The following FRMPD4 variants were observed in gnomAD, a reference collection of about 807,000 sequenced individuals.
The protein encoded by FRMPD4 is FERM and PDZ domain containing 4.
Under a neutral mutation model 94.1 loss-of-function variants are expected in FRMPD4, and 22 were observed. The ratio of observed to expected loss-of-function variants is 0.23; its 90% CI spans 0.17 to 0.33. The LOEUF (loss-of-function observed/expected upper bound fraction) is 0.33, where lower values mean the gene tolerates loss of function less well. Ranked by LOEUF, FRMPD4 falls within the 10% of genes least tolerant of loss-of-function variation. The pLI is 1.00. For missense variants in FRMPD4, 1,111 were observed against 1,339.9 expected, an observed-to-expected ratio of 0.83 and a Z score of 2.67; for synonymous variants, 631 against 548.6, an observed-to-expected ratio of 1.15 and a Z score of -2.10.
At chrX:12,413,056 T>C (rs893791623) in intron 1 of FRMPD4, among the ~76,000 whole-genome samples, 9 of 111,284 alleles carry the variant, frequency 8.1e-5, no homozygotes, top group African/African-American at 2.9e-4. Flanking sequence ...CCTGGCCACA[T>C]TTCTAGGGCT....
At chrX:11,987,122 A>C (rs1222947613) in intron 3 of FRMPD4, among the ~76,000 whole-genome samples, 4 of 95,109 alleles carry the variant, frequency 4.2e-5, no homozygotes, top group Non-Finnish European at 6.5e-5. Context: ...AAAAAAAAAA[A>C]AAAAAAACAA....
chrX:12,157,225 T>C (rs915039038), intron 1 of FRMPD4, among the ~76,000 whole-genome samples: 4 of 112,297 alleles, frequency 3.6e-5, no homozygotes, highest in African/African-American at 1.3e-4. Flanking sequence ...TTATAGCCTA[T>C]TGAAGTGGTT....
intron 3 of FRMPD4, among the ~76,000 whole-genome samples, chrX:11,973,777 T>TA (rs1445903704): frequency 4.5e-5 from 5 of 111,932 alleles, no homozygotes; most frequent in African/African-American, 1.3e-4. Flanking sequence ...AGGAGTGCTA[T>TA]ATAACGCTAA....
At chrX:11,845,803 C>G (rs12011807) in intron 1 of FRMPD4, among the ~76,000 whole-genome samples, 22,053 of 105,083 alleles carry the variant, frequency 0.21, 2,182 homozygotes, top group Middle Eastern at 0.27. Flanking sequence ...AATAGATGCA[C>G]AAAAGGCCTT....
Position 12,210,315 on chromosome X carries a change from A to G in FRMPD4, c.41+71303A>G, listed in dbSNP as rs1395690428. On this transcript the variant is annotated intron_variant, in intron 1 of 16. Coordinates refer to ENST00000675598, the MANE Select transcript of FRMPD4 (RefSeq NM_001368397.1). Reference sequence around the variant, plus strand: ...CAGTACAAAGGGGAAAATCAGTTGAATTAGAGTGGGAAAGAACACAGGTCT... The same window carrying G: ...CAGTACAAAGGGGAAAATCAGTTGAGTTAGAGTGGGAAAGAACACAGGTCT... Among the ~76,000 whole-genome samples, 4 of 111,730 alleles carry G rather than the reference A, an allele frequency of 3.6e-5. No individual in the cohort carries two copies. The Admixed American group carries it at 3.8e-4, about 11-fold the overall frequency.
chrX:12,693,097 G>A (rs4830793), intron 8 of FRMPD4, among the ~76,000 whole-genome samples: 22,513 of 111,376 alleles, frequency 0.2, 1,932 homozygotes, highest in East Asian at 0.69. Flanking sequence ...CAAAGTTAGC[G>A]AACTGTAAAT....
intron 1 of FRMPD4, among the ~76,000 whole-genome samples, chrX:12,474,686 T>C (rs2057569508): frequency 1.8e-5 from 2 of 111,758 alleles, no homozygotes; most frequent in South Asian, 7.5e-4. Context: ...TAAACACCTC[T>C]ATGCAAATAA....
intron 2 of FRMPD4, among the ~76,000 whole-genome samples, chrX:12,600,386 T>C (rs779243020): frequency 8.9e-6 from 1 of 112,479 alleles, no homozygotes; most frequent in South Asian, 3.7e-4. Flanking sequence ...ATTTGGAAGA[T>C]TGTTAAACAG....
rs35377550 is a variant in FRMPD4 at position 11,987,098 on chromosome X, T to TAAAAAAAAAA, written c.95+109102_95+109111dup. On this transcript the variant is annotated intron_variant, in intron 3 of 18. Coordinates refer to the FRMPD4 transcript ENST00000640291. ...ATACCAAGACCAGGCAAAGACACAT[T>TAAAAAAAAAA]AAAAAAAAAAAAAAAAAAAAAAAAA... Among the ~76,000 whole-genome samples, 70 of 21,847 alleles carry TAAAAAAAAAA rather than the reference T, an allele frequency of 3.2e-3. 4 individuals carry two copies. Among genetic ancestry groups the TAAAAAAAAAA allele is most frequent in the South Asian group, 0.012 (2 of 172 alleles). 19.0% of individuals were successfully genotyped at this position (21,847 alleles called of 115,157 possible).
rs150915928 is a variant in FRMPD4 at position 12,495,061 on chromosome X, G to A, written c.42-3619G>A. The A allele has an allele frequency of 3.1e-3, 2,105 of 684,358 alleles. 41 individuals carry two copies. The African/African-American group carries it at 0.046, about 15-fold the overall frequency. 56.4% of individuals were successfully genotyped at this position (684,358 alleles called of 1,213,427 possible). On this transcript the variant is annotated intron_variant, in intron 1 of 16. Transcript: ENST00000675598. ...CTGTGCACCCAGGATCACACAGCTG[G>A]GATTTCTGGTAAAAAACTTTCTGAT...
chrX:11,884,398 TG>T (rs1256504263), intron 3 of FRMPD4, among the ~76,000 whole-genome samples: 1 of 112,114 alleles, frequency 8.9e-6, no homozygotes, highest in Non-Finnish European at 1.9e-5. Flanking sequence ...ATCAGTGTTA[TG>T]TTGCTTGTTC....
intron 1 of FRMPD4, among the ~76,000 whole-genome samples, chrX:12,262,662 A>G (rs2054209719): frequency 9.0e-6 from 1 of 111,683 alleles, no homozygotes. Context: ...CACTCTCAAT[A>G]TTATTGTTGA....
intron 3 of FRMPD4, among the ~76,000 whole-genome samples, chrX:12,127,597 CT>C (rs1053290856): frequency 2.7e-5 from 3 of 111,364 alleles, no homozygotes; most frequent in Non-Finnish European, 3.8e-5. Flanking sequence ...CATTCTGCCC[CT>C]GGCCCCTCCC....
At chrX:12,217,700 C>T (rs1170136372) in intron 1 of FRMPD4, among the ~76,000 whole-genome samples, 1 of 112,088 alleles carries the variant, frequency 8.9e-6, no homozygotes, top group African/African-American at 3.2e-5. Flanking sequence ...AGCCCTTCAT[C>T]TGTTTTTGTA....
intron 1 of FRMPD4, among the ~76,000 whole-genome samples, chrX:12,350,256 C>A (rs1569241726): frequency 8.9e-6 from 1 of 111,741 alleles, no homozygotes; most frequent in Non-Finnish European, 1.9e-5. Context: ...TCCCTTTATC[C>A]TGTAGGATTT....
chrX:12,570,510 T>G (rs922145574), intron 2 of FRMPD4, among the ~76,000 whole-genome samples: 1 of 110,121 alleles, frequency 9.1e-6, no homozygotes, highest in Non-Finnish European at 1.9e-5. Flanking sequence ...TTCACCATGT[T>G]GCCCAGGCTG....
At chrX:12,081,377 G>A (rs2055060516) in intron 3 of FRMPD4, among the ~76,000 whole-genome samples, 3 of 111,394 alleles carry the variant, frequency 2.7e-5, no homozygotes, top group Admixed American at 1.9e-4. Context: ...TATGAGCAAA[G>A]CAGTCTTCAT....
intron 3 of FRMPD4, among the ~76,000 whole-genome samples, chrX:11,906,125 T>TTATG (rs1569122676): frequency 2.0e-5 from 2 of 100,538 alleles, no homozygotes; most frequent in African/African-American, 7.2e-5. Context: ...TTTTATTTAT[T>TTATG]TATTTATTTA....
Position 12,039,467 on chromosome X carries a change from A to G in FRMPD4, c.95+161449A>G, listed in dbSNP as rs895340540. On this transcript the variant is annotated intron_variant, in intron 3 of 18. Transcript: ENST00000640291. ...GATTTTGTCTTAATTCAGCTCAAAT[A>G]CTTTCTAATTTTCCTTTTTATTTCT... 3.6e-5 allele frequency among the ~76,000 whole-genome samples: 4 copies of G among 111,054 alleles called. No homozygotes were observed. The South Asian group carries it at 1.5e-3, about 42-fold the overall frequency.
Sources: allele counts gnomAD v4.1 joint callset (sites outside exome capture counted in the v4.1 genomes callset), GRCh38; gene constraint gnomAD v4.1.1; transcripts MANE v1.5; gene names NCBI Gene and HGNC (gene_info 2026-07-23, HGNC 2026-07-21).